ADAM30: variants seen among roughly 807,000 people sequenced by gnomAD.
ADAM30 encodes the protein disintegrin and metalloproteinase domain-containing protein 30.
For synonymous variants in ADAM30, 382 were observed against 340.9 expected, an observed-to-expected ratio of 1.12 and a Z score of -1.33; for missense variants, 960 against 959.4, an observed-to-expected ratio of 1.00 and a Z score of -0.01.
In ADAM30 at chr1:119,893,902, G is replaced by A; in HGVS notation, c.*62C>T. 2 of 1,537,684 alleles carry A rather than the reference G, an allele frequency of 1.3e-6. No homozygotes were observed. The highest frequency in any genetic ancestry group is 1.7e-6 in the Non-Finnish European group (2 of 1,149,522). ...TTGGGAGAAGAATGGAAAGCCTTTGGATAAATGATTAGCTGGTTAAATAAA... is the reference window on the plus strand; with the variant it reads ...TTGGGAGAAGAATGGAAAGCCTTTGAATAAATGATTAGCTGGTTAAATAAA... On this transcript the variant is annotated 3_prime_UTR_variant, in exon 1 of 1. Coordinates refer to ENST00000369400, the MANE Select transcript of ADAM30 (RefSeq NM_021794.4).
In ADAM30 at chr1:119,894,596, C is replaced by T; in HGVS notation, c.1741G>A (p.Ala581Thr). The change falls in exon 1 of 1, where the codon GCA (alanine) becomes ACA (threonine). Residue 581 changes from alanine to threonine, a missense_variant. By Grantham distance (58) the Ala-to-Thr change is moderately conservative. Transcript: ENST00000369400. ...HTTIISTHLQ[A>T]ENLMCWGTGY... ...GTGCCCCAGCACATGAGATTTTCTG[C>T]CTGTAAATGAGTAGAAATTATAGTC... The T allele has an allele frequency of 6.2e-7, 1 of 1,614,076 alleles. No individual in the cohort carries two copies. The highest frequency in any genetic ancestry group is 8.5e-7 in the Non-Finnish European group (1 of 1,180,042).
Position 119,895,736 on chromosome 1 carries a change from G to T in ADAM30, c.601C>A (p.His201Asn). Reference protein sequence around the residue: ...RLRDFPGSYKHPKYLELILLF... With the variant: ...RLRDFPGSYKNPKYLELILLF... Reference sequence around the variant, plus strand: ...AGGATCAATTCCAAGTACTTTGGGTGTTTATAGGATCCAGGAAAGTCCCTT... The same window carrying T: ...AGGATCAATTCCAAGTACTTTGGGTTTTTATAGGATCCAGGAAAGTCCCTT... Residue 201 changes from histidine to asparagine, a missense_variant, in exon 1 of 1, where the codon CAC (histidine) becomes AAC (asparagine). By Grantham distance (68) the His-to-Asn change is moderately conservative. Coordinates refer to ENST00000369400, the MANE Select transcript of ADAM30 (RefSeq NM_021794.4). 6.2e-7 allele frequency: 1 copy of T among 1,614,072 alleles called. No homozygotes were observed. The highest frequency in any genetic ancestry group is 2.2e-5 in the East Asian group (1 of 44,882).
At position 119,895,862 on chromosome 1, in the gene ADAM30, C is replaced by T; in HGVS notation, c.475G>A (p.Val159Ile). Residue 159 changes from valine (V) to isoleucine (I), a missense_variant, in exon 1 of 1, where the codon GTC becomes ATC. Coordinates refer to ENST00000369400, the MANE Select transcript of ADAM30 (RefSeq NM_021794.4). The part of the protein sequence containing the change: ...LKASPSFEHV[V>I]YLLKKEQFGN... ...AACTGCTCTTTCTTCAGGAGATAGA[C>T]GACATGTTCAAAACTGGGAGAGGCC... 1.9e-6 allele frequency: 3 copies of T among 1,614,120 alleles called. No homozygotes were observed. The highest frequency in any genetic ancestry group is 2.5e-6 in the Non-Finnish European group (3 of 1,180,028).
chr1:119,894,195 G>C lies in ADAM30; in HGVS notation c.2142C>G (p.Asn714Lys). Reference sequence around the variant, plus strand: ...TTTTTTCCTGTTTGGGTTTTAAGTGGTTTCCTATCACTTGCCGGAAAAACA... The same window carrying C: ...TTTTTTCCTGTTTGGGTTTTAAGTGCTTTCCTATCACTTGCCGGAAAAACA... ...VFVFFRQVIG[N>K]HLKPKQEKMP... is the part of the protein sequence containing the mutation. Residue 714 changes from asparagine (N) to lysine (K), a missense_variant, in exon 1 of 1, where the codon AAC becomes AAG. By Grantham distance (94) the Asn-to-Lys change is moderately conservative. Coordinates refer to ENST00000369400, the MANE Select transcript of ADAM30 (RefSeq NM_021794.4). The C allele has an allele frequency of 6.2e-7, 1 of 1,613,464 alleles. No individual in the cohort carries two copies. The highest frequency in any genetic ancestry group is 2.2e-5 in the East Asian group (1 of 44,886).
In ADAM30 at chr1:119,894,802, C is replaced by G. The variant is rs1404060202; in HGVS notation, c.1535G>C (p.Gly512Ala). 3.7e-6 allele frequency: 6 copies of G among 1,614,170 alleles called. No individual in the cohort carries two copies. The highest frequency in any genetic ancestry group is 5.1e-6 in the Non-Finnish European group (6 of 1,180,042). Residue 512 changes from glycine to alanine, a missense_variant, in exon 1 of 1, where the codon GGA (glycine) becomes GCA (alanine). Physicochemically the swap from Gly to Ala is moderately conservative, Grantham distance 60. Coordinates refer to ENST00000369400, the MANE Select transcript of ADAM30 (RefSeq NM_021794.4). ...SRYMQCQSIF[G>A]PDAMEAPSEC... Reference sequence around the variant, plus strand: ...ACTAGGAGCCTCCATGGCATCAGGTCCAAAAATGCTTTGGCACTGCATATA... The same window carrying G: ...ACTAGGAGCCTCCATGGCATCAGGTGCAAAAATGCTTTGGCACTGCATATA...
rs760761390 is a variant in ADAM30 at position 119,893,927 on chromosome 1, A to G, written c.*37T>C. The G allele has an allele frequency of 6.4e-6, 10 of 1,561,174 alleles. No homozygotes were observed. The East Asian group carries it at 2.2e-4, about 35-fold the overall frequency. ...GATAAATGATTAGCTGGTTAAATAA[A>G]TGAGCCTGTGTTACTGAATGAGTAT... On this transcript the variant is annotated 3_prime_UTR_variant, in exon 1 of 1. Coordinates refer to ENST00000369400, the MANE Select transcript of ADAM30 (RefSeq NM_021794.4).
Position 119,895,060 on chromosome 1 carries a change from C to T in ADAM30, c.1277G>A (p.Cys426Tyr). The change falls in exon 1 of 1, where the codon TGT becomes TAT. Residue 426 changes from cysteine to tyrosine, a missense_variant. Transcript: ENST00000369400. ...TTGCAACTTACAATTTGATTGGCAA[C>T]ACCGATCTTTCTGACACTCCTCTGT... ...GSTEECQKDR[C>Y]CQSNCKLQPG... 1 of 1,614,198 alleles carries T rather than the reference C, an allele frequency of 6.2e-7. No individual in the cohort carries two copies. Among genetic ancestry groups the T allele is most frequent in the Non-Finnish European group, 8.5e-7 (1 of 1,180,040 alleles).
chr1:119,895,876 C>T lies in ADAM30; in HGVS notation c.461G>A (p.Ser154Asn), dbSNP rs755877794. ...CAGGAGATAGACGACATGTTCAAAA[C>T]TGGGAGAGGCCTTGAGGGGCTCAAT... Reference protein sequence around the residue: ...YQIEPLKASPSFEHVVYLLKK... With the variant: ...YQIEPLKASPNFEHVVYLLKK... The change falls in exon 1 of 1, where the codon AGT (serine) becomes AAT (asparagine). Residue 154 changes from serine (S) to asparagine (N), a missense_variant. Coordinates refer to ENST00000369400, the MANE Select transcript of ADAM30 (RefSeq NM_021794.4). The T allele has an allele frequency of 6.2e-7, 1 of 1,614,156 alleles. No homozygotes were observed. The highest frequency in any genetic ancestry group is 2.2e-5 in the East Asian group (1 of 44,882).
rs771971833 is a variant in ADAM30, at chr1:119,894,712, C to T, written c.1625G>A (p.Arg542Gln). The T allele has an allele frequency of 4.0e-5, 64 of 1,613,958 alleles. No individual in the cohort carries two copies. Among genetic ancestry groups the T allele is most frequent in the African/African-American group, 5.3e-5 (4 of 74,906 alleles). The change falls in exon 1 of 1, where the codon CGA (arginine) becomes CAA (glutamine). Residue 542 changes from arginine (R) to glutamine (Q), a missense_variant. By Grantham distance (43) the Arg-to-Gln change is conservative. Transcript: ENST00000369400. ...QFGNCEITGI[R>Q]NFKKCESANS... ...TGCACTTTCACACTTTTTAAAATTT[C>T]GAATTCCTGTAATCTCACAGTTACC...
rs769611489 is a variant in ADAM30 at position 119,895,004 on chromosome 1, AGCAAAGTCCAAT to A, written c.1321_1332del (p.Ile441_Cys444del). 1.2e-6 allele frequency: 2 copies of A among 1,614,132 alleles called. No individual in the cohort carries two copies. Among genetic ancestry groups the A allele is most frequent in the Non-Finnish European group, 1.7e-6 (2 of 1,180,054 alleles). On this transcript the variant is annotated inframe_deletion, in exon 1 of 1. Transcript: ENST00000369400. ...GATGGACGAAACCGACAATCATGAC[AGCAAAGTCCAAT>A]GCTACAGTTGGCACCTGGTTGCAAC... is the stretch of plus-strand genomic sequence containing the variant.
chr1:119,894,786 C>G lies in ADAM30; in HGVS notation c.1551G>C (p.Glu517Asp), dbSNP rs766359307. The change falls in exon 1 of 1, where the codon GAG becomes GAC. Residue 517 changes from glutamate to aspartate, a missense_variant. Coordinates refer to ENST00000369400, the MANE Select transcript of ADAM30 (RefSeq NM_021794.4). ...CQSIFGPDAM[E>D]APSECYDAVN... ...CTGCATCATAGCACTCACTAGGAGC[C>G]TCCATGGCATCAGGTCCAAAAATGC... is the stretch of plus-strand genomic sequence containing the variant. The G allele has an allele frequency of 1.2e-5, 20 of 1,614,208 alleles. No individual in the cohort carries two copies. Among genetic ancestry groups the G allele is most frequent in the Non-Finnish European group, 1.6e-5 (19 of 1,180,038 alleles).
chr1:119,893,573 G>A lies in ADAM30; in HGVS notation c.*391C>T, dbSNP rs983864036. The A allele has an allele frequency of 2.6e-5, 6 of 228,622 alleles. No homozygotes were observed. The highest frequency in any genetic ancestry group is 1.8e-4 in the South Asian group (2 of 11,280). The allele number at this position is 228,622 out of a possible 1,614,324, so 14.2% of individuals were successfully genotyped here. ...TATTGATCAGCATGGGTGCAGGTGCGGATGTTCACATGGATCAAGTTGAGG... is the reference window on the plus strand; with the variant it reads ...TATTGATCAGCATGGGTGCAGGTGCAGATGTTCACATGGATCAAGTTGAGG... On this transcript the variant is annotated 3_prime_UTR_variant, in exon 1 of 1. Transcript: ENST00000369400.
In ADAM30 at chr1:119,896,486, G is replaced by A; in HGVS notation, c.-150C>T. On this transcript the variant is annotated 5_prime_UTR_variant, in exon 1 of 1. Transcript: ENST00000369400. ...TCCGGGGGAGCCCGTAGCCTCCCAG[G>A]GCTCGGTCTAGCTGGCGTCCGCAAT... 3.1e-6 allele frequency: 4 copies of A among 1,306,320 alleles called. No homozygotes were observed. Among genetic ancestry groups the A allele is most frequent in the African/African-American group, 3.0e-5 (2 of 67,020 alleles). The allele number at this position is 1,306,320 out of a possible 1,614,324, so 80.9% of individuals were successfully genotyped here.
At position 119,896,333 on chromosome 1, in the gene ADAM30, T is replaced by C; in HGVS notation, c.4A>G (p.Arg2Gly). The change falls in exon 1 of 1, where the codon AGG (arginine) becomes GGG (glycine). Residue 2 changes from arginine to glycine, a missense_variant. Physicochemically the swap from Arg to Gly is moderately radical, Grantham distance 125 (BLOSUM62 -2). Coordinates refer to ENST00000369400, the MANE Select transcript of ADAM30 (RefSeq NM_021794.4). ...TGGGAGAGGAAGATCTGCACTGACC[T>C]CATGGTCTGTTCCCTACTCAGCCTC... M[R>G]SVQIFLSQCR... The C allele has an allele frequency of 6.4e-7, 1 of 1,567,580 alleles. No homozygotes were observed. The highest frequency in any genetic ancestry group is 8.6e-7 in the Non-Finnish European group (1 of 1,156,144).
At position 119,894,813 on chromosome 1, in the gene ADAM30, T is replaced by C. The variant is rs752884037; in HGVS notation, c.1524A>G (p.Gln508=). ...KGCRSRYMQC[Q]SIFGPDAMEA... ...CCATGGCATCAGGTCCAAAAATGCT[T>C]TGGCACTGCATATATCTGGATCTGC... Residue 508 remains glutamine (Q), a synonymous_variant, in exon 1 of 1, where the codon CAA becomes CAG. Coordinates refer to ENST00000369400, the MANE Select transcript of ADAM30 (RefSeq NM_021794.4). 4 of 1,614,190 alleles carry C rather than the reference T, an allele frequency of 2.5e-6. No homozygotes were observed. The South Asian group carries it at 4.4e-5, about 18-fold the overall frequency.
chr1:119,893,936 T>C lies in ADAM30; in HGVS notation c.*28A>G. On this transcript the variant is annotated 3_prime_UTR_variant, in exon 1 of 1. Coordinates refer to ENST00000369400, the MANE Select transcript of ADAM30 (RefSeq NM_021794.4). ...TTAGCTGGTTAAATAAATGAGCCTGTGTTACTGAATGAGTATGGATTGCCC... is the reference window on the plus strand; with the variant it reads ...TTAGCTGGTTAAATAAATGAGCCTGCGTTACTGAATGAGTATGGATTGCCC... The C allele has an allele frequency of 1.3e-6, 2 of 1,580,640 alleles. No homozygotes were observed. The highest frequency in any genetic ancestry group is 1.7e-6 in the Non-Finnish European group (2 of 1,168,926).
chr1:119,896,418 C>G lies in ADAM30; in HGVS notation c.-82G>C. The G allele has an allele frequency of 6.9e-7, 1 of 1,440,718 alleles. No homozygotes were observed. Among genetic ancestry groups the G allele is most frequent in the Non-Finnish European group, 9.1e-7 (1 of 1,095,638 alleles). 89.2% of individuals were successfully genotyped at this position (1,440,718 alleles called of 1,614,324 possible). A position where few individuals can be genotyped will look rare whatever the true frequency, so the allele number is the denominator to read the frequency against. On this transcript the variant is annotated 5_prime_UTR_variant, in exon 1 of 1. Transcript: ENST00000369400. ...CGAGTCAGATTTCTGGGGGCCGCCG[C>G]TAGAGGCGCCTGAGCTCAAAACCCG...
chr1:119,896,381 A>C lies in ADAM30; in HGVS notation c.-45T>G. The stretch of plus-strand genomic sequence containing the variant: ...CTCAGTTTGCTATTCAGTCCCTGCA[A>C]CTCTGGCCTCGCGAGTCAGATTTCT... On this transcript the variant is annotated 5_prime_UTR_variant, in exon 1 of 1. Coordinates refer to ENST00000369400, the MANE Select transcript of ADAM30 (RefSeq NM_021794.4). 6.7e-7 allele frequency: 1 copy of C among 1,482,006 alleles called. No homozygotes were observed. The allele number at this position is 1,482,006 out of a possible 1,614,324, so 91.8% of individuals were successfully genotyped here.
rs762860832 is a variant in ADAM30, at chr1:119,896,316, G to A, written c.21C>T (p.Phe7=). ...GAAGGAGCAAACGGCATTGGGAGAG[G>A]AAGATCTGCACTGACCTCATGGTCT... MRSVQI[F]LSQCRLLLLL... is the part of the protein sequence containing the mutation. The change falls in exon 1 of 1, where the codon TTC becomes TTT. Residue 7 remains phenylalanine (F), a synonymous_variant. Coordinates refer to ENST00000369400, the MANE Select transcript of ADAM30 (RefSeq NM_021794.4). The A allele has an allele frequency of 6.3e-7, 1 of 1,591,480 alleles. No homozygotes were observed. The highest frequency in any genetic ancestry group is 1.3e-5 in the African/African-American group (1 of 74,630).
Sources: allele counts gnomAD v4.1 joint callset, GRCh38; gene constraint gnomAD v4.1.1; transcripts MANE v1.5; gene names NCBI Gene and HGNC (gene_info 2026-07-23, HGNC 2026-07-21).